FOXP2: variants seen among roughly 807,000 people sequenced by gnomAD.
The protein encoded by FOXP2 is forkhead box protein P2.
FOXP2 carries 12 observed loss-of-function variants against 115.8 expected under a neutral mutation model. The observed-to-expected ratio is 0.10, with a 90% CI of 0.07 to 0.17. FOXP2 has a LOEUF of 0.17. Ranked by LOEUF, FOXP2 falls within the 10% of genes least tolerant of loss-of-function variation. FOXP2 has a pLI of 1.00. For synonymous variants in FOXP2, 328 were observed against 297.7 expected, an observed-to-expected ratio of 1.10 and a Z score of -1.05; for missense variants, 629 against 843.5, an observed-to-expected ratio of 0.75 and a Z score of 3.15.
chr7:114,688,244 CACATCTTT>C (rs1808476550), intron 16 of FOXP2, among the ~76,000 whole-genome samples: 3 of 80,296 alleles, frequency 3.7e-5, no homozygotes, highest in Admixed American at 2.4e-4. Flanking sequence ...CACACACACA[CACATCTTT>C]TTTTTTTTTT....
intron 3 of FOXP2, among the ~76,000 whole-genome samples, chr7:114,620,986 C>A (rs1015571957): frequency 1.3e-5 from 2 of 151,978 alleles, no homozygotes; most frequent in African/African-American, 4.8e-5. Flanking sequence ...CTCTCTCCTA[C>A]CATTTGAAAT....
intron 1 of FOXP2, among the ~76,000 whole-genome samples, chr7:114,171,574 A>T (rs1436098906): frequency 6.6e-6 from 1 of 152,174 alleles, no homozygotes; most frequent in Non-Finnish European, 1.5e-5. Flanking sequence ...TGTCTCTAAA[A>T]ATAAGAATAA....
At chr7:114,089,655 T>TA (rs538994747) in intron 1 of FOXP2, among the ~76,000 whole-genome samples, 26 of 148,934 alleles carry the variant, frequency 1.7e-4, no homozygotes, top group Admixed American at 4.7e-4. Flanking sequence ...TGGCTTTGCT[T>TA]AAAAAAAAAA....
Position 114,629,906 on chromosome 7 carries a change from A to G in FOXP2, c.498A>G (p.Gln166=), listed in dbSNP as rs763155984. Reference sequence around the variant, plus strand: ...AGCAGCAGCAACAACAGCAGCAACAACAGCAGCAGCAACAACAACAACAAC... The same window carrying G: ...AGCAGCAGCAACAACAGCAGCAACAGCAGCAGCAGCAACAACAACAACAAC... ...QQQQQQQQQQ[Q]QQQQQQQQQQ... The change falls in exon 5 of 17, where the codon CAA becomes CAG. Residue 166 remains glutamine (Q), a synonymous_variant. Coordinates refer to ENST00000350908, the MANE Select transcript of FOXP2 (RefSeq NM_014491.4). 1.6e-5 allele frequency: 25 copies of G among 1,612,318 alleles called. No individual in the cohort carries two copies. Among genetic ancestry groups the G allele is most frequent in the South Asian group, 2.2e-5 (2 of 90,998 alleles).
At chr7:114,317,742 A>G (rs919092856) in intron 2 of FOXP2, among the ~76,000 whole-genome samples, 4 of 152,136 alleles carry the variant, frequency 2.6e-5, no homozygotes, top group African/African-American at 9.7e-5. Flanking sequence ...GCCATTTCCT[A>G]AAAATAAAAT....
intron 1 of FOXP2, among the ~76,000 whole-genome samples, chr7:114,215,512 T>G (rs923296281): frequency 6.6e-5 from 10 of 152,164 alleles, no homozygotes; most frequent in Non-Finnish European, 1.3e-4. Context: ...AGCCTATAAT[T>G]TTTTTGTTGT....
At chr7:114,206,035 G>T (rs560037363) in intron 1 of FOXP2, among the ~76,000 whole-genome samples, 9 of 152,258 alleles carry the variant, frequency 5.9e-5, no homozygotes, top group African/African-American at 1.9e-4. Flanking sequence ...TTTGAGAATA[G>T]ATTAGAACCT....
intron 3 of FOXP2, among the ~76,000 whole-genome samples, chr7:114,597,599 C>T (rs1031979187): frequency 1.3e-5 from 2 of 152,114 alleles, no homozygotes; most frequent in Admixed American, 6.6e-5. Flanking sequence ...GGTGACTAGA[C>T]AGAGTTGTGT....
At chr7:114,263,957 A>G (rs958210670) in intron 1 of FOXP2, among the ~76,000 whole-genome samples, 5 of 151,926 alleles carry the variant, frequency 3.3e-5, no homozygotes, top group African/African-American at 1.2e-4. Flanking sequence ...TGTGTGTTTT[A>G]AAATCTTTAG....
intron 2 of FOXP2, among the ~76,000 whole-genome samples, chr7:114,352,625 C>CT (rs1791520794): frequency 6.6e-6 from 1 of 152,152 alleles, no homozygotes; most frequent in African/African-American, 2.4e-5. Flanking sequence ...CTCCCTCAGA[C>CT]TTTTCTCCTT....
intron 3 of FOXP2, among the ~76,000 whole-genome samples, chr7:114,574,480 C>G (rs980308051): frequency 2.6e-5 from 4 of 151,678 alleles, no homozygotes; most frequent in African/African-American, 9.7e-5. Flanking sequence ...GGATACATGC[C>G]TTTCTTTTTT....
chr7:114,185,461 A>G (rs1317219952), intron 1 of FOXP2, among the ~76,000 whole-genome samples: 1 of 152,186 alleles, frequency 6.6e-6, no homozygotes, highest in Non-Finnish European at 1.5e-5. Context: ...TTGTTATGGA[A>G]ATTAAATCAA....
chr7:114,435,662 C>T (rs1316979454), intron 2 of FOXP2, among the ~76,000 whole-genome samples: 5 of 152,096 alleles, frequency 3.3e-5, no homozygotes, highest in African/African-American at 4.8e-5. Context: ...CTCAGCCTCC[C>T]GAATGGCTGG....
chr7:114,654,162 G>A, intron 10 of FOXP2, 153 bp downstream of exon 10: 1 of 1,510,362 alleles, frequency 6.6e-7, no homozygotes. Flanking sequence ...CAAATTGTAT[G>A]TTTCTTTTAA....
chr7:114,552,739 A>T (rs1196023683), intron 3 of FOXP2, among the ~76,000 whole-genome samples: 2 of 152,160 alleles, frequency 1.3e-5, no homozygotes, highest in African/African-American at 4.8e-5. Flanking sequence ...ATGCCAGCTT[A>T]TCTGTTTAGA....
At chr7:114,396,019 A>G (rs1644480592) in intron 2 of FOXP2, among the ~76,000 whole-genome samples, 1 of 152,010 alleles carries the variant, frequency 6.6e-6, no homozygotes, top group South Asian at 2.1e-4. Context: ...AAACAATCCA[A>G]TTATATTCTT....
intron 2 of FOXP2, among the ~76,000 whole-genome samples, chr7:114,331,700 C>T (rs1403484680): frequency 1.3e-5 from 2 of 151,120 alleles, no homozygotes; most frequent in African/African-American, 4.9e-5. Context: ...CAGAGTCTCA[C>T]TCTGTCGCCC....
intron 3 of FOXP2, among the ~76,000 whole-genome samples, chr7:114,573,835 G>A (rs370476493): frequency 2.3e-4 from 35 of 151,842 alleles, no homozygotes; most frequent in African/African-American, 8.2e-4. Flanking sequence ...CCAAATGAAG[G>A]TTAAAGCCCA....
At chr7:114,633,827 CTTAG>C (rs1342113333) in intron 6 of FOXP2, among the ~76,000 whole-genome samples, 3 of 152,054 alleles carry the variant, frequency 2.0e-5, no homozygotes, top group East Asian at 3.9e-4. Context: ...TCATTTCTTC[CTTAG>C]TTAGAGGTTA....
Sources: gnomAD v4.1 joint callset for allele counts (sites outside exome capture counted in the v4.1 genomes callset) on GRCh38, gnomAD v4.1.1 for gene constraint, MANE v1.5 for transcripts, NCBI Gene and HGNC (gene_info 2026-07-23, HGNC 2026-07-21) for gene names.